The following CDK12 variants were observed in gnomAD, a reference collection of about 807,000 sequenced individuals.
CDK12 encodes the protein cyclin-dependent kinase 12.
In CDK12, 17 loss-of-function variants were observed where a neutral mutation model predicts 133.8. The observed-to-expected ratio is 0.13, with a 90% CI of 0.09 to 0.19. CDK12 has a LOEUF of 0.19. CDK12 is among the 10% of genes least tolerant of loss of function. CDK12 has a pLI of 1.00. For synonymous variants in CDK12, 694 were observed against 683.6 expected (o/e 1.02, Z -0.24); for missense variants, 1,508 against 1,818.7 (o/e 0.83, Z 3.11).
chr17:39,533,753 GAAAAC>G lies in CDK12; in HGVS notation c.*2441_*2445del, dbSNP rs1343700680. 4.3e-6 allele frequency: 1 copy of G among 232,266 alleles called. No individual in the cohort carries two copies. Among genetic ancestry groups the G allele is most frequent in the Non-Finnish European group, 8.5e-6 (1 of 117,580 alleles). 14.4% of individuals were successfully genotyped at this position (232,266 alleles called of 1,614,324 possible). A position where few individuals can be genotyped will look rare whatever the true frequency, so the allele number is the denominator to read the frequency against. On this transcript the variant is annotated 3_prime_UTR_variant, in exon 14 of 14. Coordinates refer to ENST00000447079, the MANE Select transcript of CDK12 (RefSeq NM_016507.4). ...CCCCATTTTGGGAGTCTTTTAAAAT[GAAAAC>G]AAAGTTTGGTAGTTTTGACTATTTC...
chr17:39,493,172 T>TTG (rs1555562332), intron 4 of CDK12, among the ~76,000 whole-genome samples: 1 of 150,476 alleles, frequency 6.6e-6, no homozygotes, highest in Non-Finnish European at 1.5e-5. Flanking sequence ...TTTTGTTTTT[T>TTG]TTTTTTTTTT....
At chr17:39,523,599 TGTTA>T (rs1408447524) in intron 11 of CDK12, among the ~76,000 whole-genome samples, 3 of 152,216 alleles carry the variant, frequency 2.0e-5, no homozygotes, top group African/African-American at 7.2e-5. Context: ...ATGGATAGGA[TGTTA>T]GTTCATGAGT....
chr17:39,483,159 C>T (rs1031395878), intron 2 of CDK12, among the ~76,000 whole-genome samples: 5 of 152,034 alleles, frequency 3.3e-5, no homozygotes, highest in South Asian at 4.1e-4. Context: ...GTGATCCACC[C>T]GCCTTGGCCT....
intron 3 of CDK12, among the ~76,000 whole-genome samples, 184 bp from the exon 4 acceptor site, chr17:39,492,567 C>T (rs1436524336): frequency 6.6e-6 from 1 of 150,986 alleles, no homozygotes; most frequent in Non-Finnish European, 1.5e-5. Flanking sequence ...GCTACCACGC[C>T]TGGCTAATTT....
At chr17:39,519,067 A>C (rs1242069059) in intron 10 of CDK12, among the ~76,000 whole-genome samples, 2 of 145,182 alleles carry the variant, frequency 1.4e-5, no homozygotes, top group African/African-American at 5.1e-5. Context: ...ACACCCAGCT[A>C]ATTTTTTGTA....
chr17:39,472,405 G>T (rs1371841476), intron 2 of CDK12, among the ~76,000 whole-genome samples: 9 of 152,090 alleles, frequency 5.9e-5, no homozygotes, highest in African/African-American at 9.7e-5. Flanking sequence ...TGTATGCAGT[G>T]ACTCATGCCT....
At chr17:39,495,607 C>T (rs954309614) in intron 5 of CDK12, among the ~76,000 whole-genome samples, 6 of 151,250 alleles carry the variant, frequency 4.0e-5, no homozygotes, top group African/African-American at 9.7e-5. Flanking sequence ...CTGGCTAACA[C>T]GGCAAAACCC....
intron 1 of CDK12, among the ~76,000 whole-genome samples, chr17:39,542,173 G>A (rs770672818): frequency 4.6e-5 from 7 of 151,602 alleles, no homozygotes; most frequent in African/African-American, 9.7e-5. Flanking sequence ...GTGTGTGTGT[G>A]TATCTTAAAG....
chr17:39,498,874 TC>T (rs776278569), intron 5 of CDK12, among the ~76,000 whole-genome samples: 289 of 404 alleles, frequency 0.72, 90 homozygotes, highest in South Asian at 0.88. Flanking sequence ...TATGATTTTC[TC>T]TTTCTTTCTT....
chr17:39,523,870 C>G (rs1351474788), intron 11 of CDK12, among the ~76,000 whole-genome samples: 1 of 152,154 alleles, frequency 6.6e-6, no homozygotes, highest in African/African-American at 2.4e-5. Context: ...CCAGGCTAGT[C>G]TCGAACTCCT....
intron 6 of CDK12, among the ~76,000 whole-genome samples, chr17:39,508,882 C>G (rs2053302259): frequency 6.6e-6 from 1 of 151,586 alleles, no homozygotes; most frequent in African/African-American, 2.4e-5. Context: ...ATAGTCCCAG[C>G]TACTTGGGAG....
Position 39,461,885 on chromosome 17 carries a change from C to G in CDK12, c.-187C>G, listed in dbSNP as rs2048983314. The G allele has an allele frequency of 1.3e-5, 8 of 600,830 alleles. No individual in the cohort carries two copies. The East Asian group carries it at 2.2e-4, about 17-fold the overall frequency. 37.2% of individuals were successfully genotyped at this position (600,830 alleles called of 1,614,324 possible). ...CATTTCTTCCCTCGCTCCTTCACCCCCCACCTCATGTAGAAGGGTGCTGAG... is the reference window on the plus strand; with the variant it reads ...CATTTCTTCCCTCGCTCCTTCACCCGCCACCTCATGTAGAAGGGTGCTGAG... On this transcript the variant is annotated 5_prime_UTR_variant, in exon 1 of 14. Coordinates refer to ENST00000447079, the MANE Select transcript of CDK12 (RefSeq NM_016507.4).
At chr17:39,565,720 C>T (rs1487962518), downstream of CDK12, among the ~76,000 whole-genome samples, 1 of 152,246 alleles carries the variant, frequency 6.6e-6, no homozygotes, top group Non-Finnish European at 1.5e-5. Context: ...AGGCGTGAGC[C>T]ACCGTGCCCA....
At chr17:39,563,274 C>T (rs1219708860) in intron 3 of CDK12, among the ~76,000 whole-genome samples, 2 of 151,830 alleles carry the variant, frequency 1.3e-5, no homozygotes, top group Non-Finnish European at 2.9e-5. Context: ...TGTGTGTAAG[C>T]GAGGCAGGGT....
chr17:39,482,598 C>CCTTTTTTTTTTTT (rs1440834572), intron 2 of CDK12, among the ~76,000 whole-genome samples: 1 of 53,518 alleles, frequency 1.9e-5, no homozygotes, highest in Non-Finnish European at 5.5e-5. Flanking sequence ...CAATCAACTA[C>CCTTTTTTTTTTTT]ATTTTTTTTT....
chr17:39,502,646 C>T (rs1309340854), intron 6 of CDK12, among the ~76,000 whole-genome samples: 1 of 152,080 alleles, frequency 6.6e-6, no homozygotes, highest in African/African-American at 2.4e-5. Flanking sequence ...AAATAAATTA[C>T]TCAATTCAGT....
chr17:39,475,877 T>C (rs2145350284), intron 2 of CDK12, among the ~76,000 whole-genome samples: 1 of 152,126 alleles, frequency 6.6e-6, no homozygotes, highest in South Asian at 2.1e-4. Flanking sequence ...AAAAATTAAC[T>C]TGAGGTCCAA....
intron 2 of CDK12, among the ~76,000 whole-genome samples, chr17:39,555,522 C>T (rs2056120523): frequency 1.3e-5 from 2 of 151,810 alleles, no homozygotes. Context: ...CCCAGCTCTC[C>T]CGGGCAGTAT....
intron 1 of CDK12, among the ~76,000 whole-genome samples, chr17:39,467,126 G>A (rs1476575865): frequency 2.0e-5 from 3 of 151,896 alleles, no homozygotes; most frequent in African/African-American, 4.8e-5. Flanking sequence ...CTACAGGCGC[G>A]CGTCACCATG....
Sources: allele counts gnomAD v4.1 joint callset (sites outside exome capture counted in the v4.1 genomes callset), GRCh38; gene constraint gnomAD v4.1.1; transcripts MANE v1.5; gene names NCBI Gene and HGNC (gene_info 2026-07-23, HGNC 2026-07-21).